ARNT: variants seen among roughly 807,000 people sequenced by gnomAD.
ARNT encodes class E basic helix-loop-helix protein 2.
In ARNT, 30 loss-of-function variants were observed where a neutral mutation model predicts 105.0. That is an observed-to-expected ratio of 0.29 (90% CI 0.21 to 0.39). The LOEUF (loss-of-function observed/expected upper bound fraction) is 0.39, where lower values mean the gene tolerates loss of function less well. ARNT is among the 10% of genes least tolerant of loss of function. ARNT has a pLI of 1.00. For missense variants in ARNT, 748 were observed against 978.7 expected (o/e 0.76, Z 3.15); for synonymous variants, 304 against 344.0 (o/e 0.88, Z 1.29).
At chr1:150,834,868 G>A (rs1265424466) in intron 7 of ARNT, 2 of 456,162 alleles carry the variant, frequency 4.4e-6, no homozygotes, top group Non-Finnish European at 8.1e-6. Context: ...AAATAACATT[G>A]TGCAAGGAAA....
At chr1:150,849,177 T>C (rs1016259820) in intron 3 of ARNT, among the ~76,000 whole-genome samples, 1 of 152,048 alleles carries the variant, frequency 6.6e-6, no homozygotes, top group Non-Finnish European at 1.5e-5. Flanking sequence ...CACTCCAGCC[T>C]GGGCAACAAG....
chr1:150,816,767 G>T, intron 18 of ARNT, 21 bp downstream of exon 18: 1 of 1,558,114 alleles, frequency 6.4e-7, no homozygotes, highest in Non-Finnish European at 8.6e-7. Flanking sequence ...CTGTAAAGCA[G>T]CACATATATA....
intron 7 of ARNT, among the ~76,000 whole-genome samples, chr1:150,835,818 AGATACAAACAAC>A (rs1001247142): frequency 7.5e-5 from 5 of 66,340 alleles, no homozygotes; most frequent in Non-Finnish European, 1.8e-4. Context: ...ACAACAGTAC[AGATACAAACAAC>A]AACAACAACA....
intron 2 of ARNT, among the ~76,000 whole-genome samples, chr1:150,856,636 G>A (rs1439061782): frequency 1.3e-5 from 2 of 151,902 alleles, no homozygotes; most frequent in African/African-American, 4.8e-5. Context: ...GGTGGCGCAC[G>A]CCTGTAGTCC....
intron 2 of ARNT, chr1:150,853,112 C>G: frequency 8.7e-6 from 3 of 346,580 alleles, no homozygotes; most frequent in South Asian, 7.5e-5. Context: ...GAAACCCCAT[C>G]TCTACTAAAA....
chr1:150,860,204 G>T (rs1306331331), intron 1 of ARNT, among the ~76,000 whole-genome samples: 1 of 121,866 alleles, frequency 8.2e-6, no homozygotes, highest in Non-Finnish European at 1.6e-5. Flanking sequence ...CCATGGAATA[G>T]AAAAAAAAAA....
At position 150,836,356 on chromosome 1, in the gene ARNT, T is replaced by G. The variant is rs758816624; in HGVS notation, c.624A>C (p.Thr208=). 6.2e-7 allele frequency: 1 copy of G among 1,614,034 alleles called. No individual in the cohort carries two copies. The highest frequency in any genetic ancestry group is 8.5e-7 in the Non-Finnish European group (1 of 1,179,994). The change falls in exon 7 of 22, where the codon ACA becomes ACC. Residue 208 remains threonine (T), a synonymous_variant. Transcript: ENST00000358595. ...NQPQSEWFGS[T]LYDQVHPDDV... The stretch of plus-strand genomic sequence containing the variant: ...CATCTGGGTGCACCTGATCATAGAG[T>G]GTGCTGCCAAACCATTCAGACTGTG...
chr1:150,843,186 A>G (rs1455288067), intron 4 of ARNT, among the ~76,000 whole-genome samples: 1 of 152,206 alleles, frequency 6.6e-6, no homozygotes, highest in Non-Finnish European at 1.5e-5. Context: ...CAGTATAGCC[A>G]CACAGGAATG....
chr1:150,825,507 C>CA (rs1325689362), intron 13 of ARNT, among the ~76,000 whole-genome samples: 5 of 152,218 alleles, frequency 3.3e-5, no homozygotes, highest in African/African-American at 9.6e-5. Context: ...CTGAGAATGA[C>CA]AATTAACAGT....
At position 150,858,447 on chromosome 1, in the gene ARNT, A is replaced by G; in HGVS notation, c.39T>C (p.Asp13=). ...ATTANPEMTS[D]VPSLGPAIAS... ...CAATGGCTGGACCCAGTGATGGTAC[A>G]TCTGATGTCATTTCTGTCAGGAAAA... The change falls in exon 2 of 22, where the codon GAT becomes GAC. Residue 13 remains aspartate (D), a synonymous_variant. Transcript: ENST00000358595. The G allele has an allele frequency of 4.4e-6, 7 of 1,605,210 alleles. No homozygotes were observed. Among genetic ancestry groups the G allele is most frequent in the Non-Finnish European group, 6.0e-6 (7 of 1,174,580 alleles).
chr1:150,844,827 T>C (rs1430586226), intron 4 of ARNT, among the ~76,000 whole-genome samples: 2 of 151,960 alleles, frequency 1.3e-5, no homozygotes, highest in East Asian at 3.9e-4. Context: ...TTTTTTTTTT[T>C]CTGACACAAA....
At chr1:150,830,010 C>T (rs752090843) in intron 10 of ARNT, 30 bp from the exon 11 acceptor site, 27 of 1,611,250 alleles carry the variant, frequency 1.7e-5, no homozygotes, top group East Asian at 6.7e-5. Context: ...AAAGGTTTAA[C>T]GGGGACCTCC....
intron 1 of ARNT, among the ~76,000 whole-genome samples, chr1:150,872,820 GC>G (rs1667662215): frequency 6.6e-6 from 1 of 152,014 alleles, no homozygotes; most frequent in Non-Finnish European, 1.5e-5. Flanking sequence ...AAATTAGCCA[GC>G]CACGGTGGTG....
rs1660905969 is a variant in ARNT, at chr1:150,839,549, T to C, written c.378A>G (p.Pro126=). The change falls in exon 6 of 22, where the codon CCA becomes CCG. Residue 126 remains proline, a synonymous_variant. Coordinates refer to ENST00000358595, the MANE Select transcript of ARNT (RefSeq NM_001668.4). The part of the protein sequence containing the change: ...VPTCSALARK[P]DKLTILRMAV... ...CCATGCGTAAGATGGTTAGCTTGTC[T>C]GGTTTTCGAGCCAGGGCACTACAGG... is the stretch of plus-strand genomic sequence containing the variant. 3.7e-6 allele frequency: 6 copies of C among 1,614,090 alleles called. No homozygotes were observed. The highest frequency in any genetic ancestry group is 1.3e-5 in the African/African-American group (1 of 74,942).
chr1:150,859,310 T>TC (rs938656002), intron 1 of ARNT, among the ~76,000 whole-genome samples: 1 of 149,564 alleles, frequency 6.7e-6, no homozygotes, highest in Non-Finnish European at 1.5e-5. Flanking sequence ...TTCAATCTCA[T>TC]CCCCCAGCAG....
chr1:150,836,277 C>T lies in ARNT; in HGVS notation c.700+3G>A. 1 of 1,613,932 alleles carries T rather than the reference C, an allele frequency of 6.2e-7. No individual in the cohort carries two copies. Among genetic ancestry groups the T allele is most frequent in the Non-Finnish European group, 8.5e-7 (1 of 1,179,806 alleles). On this transcript the variant is annotated splice_donor_region_variant and intron_variant, in intron 7 of 21. Coordinates refer to ENST00000358595, the MANE Select transcript of ARNT (RefSeq NM_001668.4). ...ATTCATTTCCCATACACATAACTCT[C>T]ACCTGTCAGGGCATTTTCTGAAGTG...
At position 150,832,173 on chromosome 1, in the gene ARNT, T is replaced by C. The variant is rs113891064; in HGVS notation, c.869+161A>G. On this transcript the variant is annotated intron_variant, in intron 9 of 21. Transcript: ENST00000358595. ...GAAGTTTTAGAAGTTTAGGAAAATATTGCCAGAAAAAAAGTAAGTGGGAGG... is the reference window on the plus strand; with the variant it reads ...GAAGTTTTAGAAGTTTAGGAAAATACTGCCAGAAAAAAAGTAAGTGGGAGG... 8.5e-3 allele frequency among the ~76,000 whole-genome samples: 1,293 copies of C among 152,172 alleles called. 14 individuals are homozygous for C. The highest frequency in any genetic ancestry group is 0.029 in the African/African-American group (1,212 of 41,508).
chr1:150,848,237 G>A (rs890098745), intron 3 of ARNT, among the ~76,000 whole-genome samples: 22 of 152,174 alleles, frequency 1.4e-4, no homozygotes, highest in Non-Finnish European at 3.1e-4. Flanking sequence ...AGGCCGAGCC[G>A]AGTGGATCAG....
rs200078254 is a variant in ARNT, at chr1:150,812,056, G to A, written c.2335C>T (p.Pro779Ser). ...AAGGGGGGAAACATAGTTAGATCAGGGAATTCTTCATTGTTGTAGCTGTTG... is the reference window on the plus strand; with the variant it reads ...AAGGGGGGAAACATAGTTAGATCAGAGAATTCTTCATTGTTGTAGCTGTTG... The part of the protein sequence containing the change: ...QSNSYNNEEF[P>S]DLTMFPPFSE The change falls in exon 22 of 22, where the codon CCT becomes TCT. Residue 779 changes from proline to serine, a missense_variant. Around this residue, in one of 4 missense-constraint regions of ARNT, gnomAD observed 360 missense variants for 411.9 expected, o/e 0.87. Transcript: ENST00000358595. 1.9e-6 allele frequency: 3 copies of A among 1,569,304 alleles called. No individual in the cohort carries two copies. Among genetic ancestry groups the A allele is most frequent in the East Asian group, 2.4e-5 (1 of 41,776 alleles).
Sources: allele counts gnomAD v4.1 joint callset (sites outside exome capture counted in the v4.1 genomes callset), GRCh38; gene constraint gnomAD v4.1.1; regional missense constraint gnomAD v4.1.1; transcripts MANE v1.5; gene names NCBI Gene and HGNC (gene_info 2026-07-23, HGNC 2026-07-21).